The following DNAJB6 variants were observed in gnomAD, a reference collection of about 807,000 sequenced individuals.
DNAJB6 encodes the protein DnaJ heat shock protein family (Hsp40) member B6.
A neutral mutation model predicts 42.7 loss-of-function variants in DNAJB6; 16 were observed. The ratio of observed to expected loss-of-function variants is 0.37; its 90% CI spans 0.25 to 0.57. The LOEUF (loss-of-function observed/expected upper bound fraction) is 0.57. Ranked by LOEUF, DNAJB6 falls within the 20% of genes least tolerant of loss-of-function variation. The pLI, the probability that DNAJB6 is intolerant of heterozygous loss-of-function variation, is 0.74. For synonymous variants in DNAJB6, 170 were observed against 163.5 expected, an observed-to-expected ratio of 1.04 and a Z score of -0.30; for missense variants, 347 against 416.8, an observed-to-expected ratio of 0.83 and a Z score of 1.46.
chr7:157,367,715 CG>C (rs1799912917), intron 5 of DNAJB6, among the ~76,000 whole-genome samples: 1 of 152,006 alleles, frequency 6.6e-6, no homozygotes, highest in African/African-American at 2.4e-5. Context: ...CAAAATTAGC[CG>C]GGCATGGTGG....
chr7:157,407,246 T>C (rs1795806329), intron 8 of DNAJB6, among the ~76,000 whole-genome samples: 1 of 152,176 alleles, frequency 6.6e-6, no homozygotes, highest in Non-Finnish European at 1.5e-5. Context: ...AGTGAGCGGC[T>C]CACGCTTGGC....
At chr7:157,358,526 A>G in intron 1 of DNAJB6, 21 bp from the exon 2 acceptor site, 1 of 1,536,008 alleles carries the variant, frequency 6.5e-7, no homozygotes, top group Non-Finnish European at 9.0e-7. Context: ...CTCATCACTG[A>G]CCACCTGTTT....
At chr7:157,344,141 C>T (rs945188229) in intron 1 of DNAJB6, among the ~76,000 whole-genome samples, 1 of 152,134 alleles carries the variant, frequency 6.6e-6, no homozygotes, top group South Asian at 2.1e-4. Flanking sequence ...GAGTTTGAGA[C>T]CATCCTGGCT....
intron 8 of DNAJB6, among the ~76,000 whole-genome samples, chr7:157,405,756 G>A (rs546787255): frequency 6.6e-6 from 1 of 152,358 alleles, no homozygotes; most frequent in South Asian, 2.1e-4. Context: ...ATAATGCTGG[G>A]CCTGGGAGGG....
chr7:157,341,776 C>T (rs1798401031), intron 1 of DNAJB6, among the ~76,000 whole-genome samples: 1 of 152,202 alleles, frequency 6.6e-6, no homozygotes, highest in South Asian at 2.1e-4. Context: ...TGTGTATGTC[C>T]TGATGACCTT....
chr7:157,359,219 A>G (rs886702416), intron 2 of DNAJB6, among the ~76,000 whole-genome samples: 1 of 152,214 alleles, frequency 6.6e-6, no homozygotes, highest in African/African-American at 2.4e-5. Context: ...CATGAAACAG[A>G]TTGTTAGATT....
intron 1 of DNAJB6, among the ~76,000 whole-genome samples, chr7:157,339,036 G>A (rs1798200307): frequency 6.6e-6 from 1 of 152,222 alleles, no homozygotes; most frequent in Admixed American, 6.5e-5. Flanking sequence ...AATTCTGGCT[G>A]TAGGACAGTT....
chr7:157,388,976 T>C (rs1801213488), intron 8 of DNAJB6, among the ~76,000 whole-genome samples: 2 of 152,230 alleles, frequency 1.3e-5, no homozygotes, highest in South Asian at 4.1e-4. Context: ...TGTCAATCAA[T>C]AGTGGCATCA....
intron 6 of DNAJB6, among the ~76,000 whole-genome samples, chr7:157,384,108 A>G (rs1403182354): frequency 6.6e-6 from 1 of 152,190 alleles, no homozygotes; most frequent in African/African-American, 2.4e-5. Context: ...AAACAGGACA[A>G]AAGCTCTAAC....
intron 1 of DNAJB6, among the ~76,000 whole-genome samples, chr7:157,357,260 TTCC>T (rs1799339135): frequency 4.2e-5 from 3 of 71,516 alleles, no homozygotes; most frequent in African/African-American, 1.5e-4. Flanking sequence ...CCTTCCTTCC[TTCC>T]GTCCTTCCTT....
chr7:157,410,161 C>T, intron 9 of DNAJB6, 160 bp downstream of exon 9: 2 of 1,399,376 alleles, frequency 1.4e-6, no homozygotes, highest in Non-Finnish European at 9.2e-7. Flanking sequence ...CTCTGCTCCT[C>T]TCCCGCTCGC....
intron 7 of DNAJB6, 56 bp from the exon 8 acceptor site, chr7:157,385,485 C>G (rs983134396): frequency 1.3e-6 from 2 of 1,570,434 alleles, no homozygotes; most frequent in Non-Finnish European, 1.7e-6. Context: ...CTTAGTTACC[C>G]TCACACATGC....
intron 2 of DNAJB6, 63 bp downstream of exon 2, chr7:157,358,700 T>C: frequency 3.1e-6 from 4 of 1,282,792 alleles, no homozygotes; most frequent in Non-Finnish European, 4.6e-6. Context: ...TTGAGTAGTA[T>C]AACTTCTTCT....
intron 2 of DNAJB6, among the ~76,000 whole-genome samples, chr7:157,361,097 A>G (rs1380263297): frequency 6.7e-6 from 1 of 149,812 alleles, no homozygotes; most frequent in Non-Finnish European, 1.5e-5. Context: ...TGTCTTTTGT[A>G]TGGTCTGTTA....
At chr7:157,400,557 G>A (rs558926229) in intron 8 of DNAJB6, among the ~76,000 whole-genome samples, 1 of 152,342 alleles carries the variant, frequency 6.6e-6, no homozygotes, top group African/African-American at 2.4e-5. Flanking sequence ...CTTGATCCTC[G>A]GGTGGGCTGT....
intron 8 of DNAJB6, among the ~76,000 whole-genome samples, chr7:157,402,602 C>G (rs1478582321): frequency 6.6e-6 from 1 of 152,254 alleles, no homozygotes; most frequent in South Asian, 2.1e-4. Flanking sequence ...CTCCGTAGGC[C>G]TGAGGGAGCC....
At chr7:157,344,499 T>C (rs1798582759) in intron 1 of DNAJB6, among the ~76,000 whole-genome samples, 1 of 150,676 alleles carries the variant, frequency 6.6e-6, no homozygotes, top group Non-Finnish European at 1.5e-5. Context: ...GGCAACAGAG[T>C]GAGACTCAAA....
At chr7:157,345,269 C>T (rs1021875504) in intron 1 of DNAJB6, among the ~76,000 whole-genome samples, 3 of 152,186 alleles carry the variant, frequency 2.0e-5, no homozygotes, top group Admixed American at 6.5e-5. Flanking sequence ...GCTGGGATTA[C>T]AGGCGTGAGC....
intron 1 of DNAJB6, among the ~76,000 whole-genome samples, chr7:157,349,324 A>G (rs1221242538): frequency 6.6e-6 from 1 of 152,210 alleles, no homozygotes; most frequent in East Asian, 1.9e-4. Context: ...AACATTAGGA[A>G]GGCTTTGATT....
Sources: allele counts gnomAD v4.1 joint callset (sites outside exome capture counted in the v4.1 genomes callset), GRCh38; gene constraint gnomAD v4.1.1; transcripts MANE v1.5; gene names NCBI Gene and HGNC (gene_info 2026-07-23, HGNC 2026-07-21).